Variants in ELAVL1 observed in about 807,000 individuals in gnomAD.
ELAVL1 encodes ELAV like RNA binding protein 1, also known as ELAV-like protein 1.
In ELAVL1, 1 loss-of-function variant was observed where a neutral mutation model predicts 28.4. That is an observed-to-expected ratio of 0.04 (90% CI 0.01 to 0.17). ELAVL1 has a LOEUF of 0.17. Among genes scored for constraint, ELAVL1 ranks in the 10% least tolerant of loss-of-function variants. ELAVL1 has a pLI of 1.00. For synonymous variants in ELAVL1, 174 were observed against 183.5 expected (o/e 0.95, Z 0.42); for missense variants, 157 against 447.2 (o/e 0.35, Z 5.85).
In ELAVL1 at chr19:7,991,225, G is replaced by A. The variant is rs118047385; in HGVS notation, c.172+419C>T. Among the ~76,000 whole-genome samples the A allele has an allele frequency of 9.5e-3, 1,442 of 152,280 alleles. 10 individuals are homozygous for A. The highest frequency in any genetic ancestry group is 0.014 in the Non-Finnish European group (965 of 68,000). On this transcript the variant is annotated intron_variant, in intron 2 of 5. Transcript: ENST00000407627. ...GCTGACCTGGGCCTGACCAAGAGTGGGGGCCTGGACAGACAGGGGCAGGCC... is the reference window on the plus strand; with the variant it reads ...GCTGACCTGGGCCTGACCAAGAGTGAGGGCCTGGACAGACAGGGGCAGGCC...
chr19:7,981,060 C>T lies in ELAVL1; in HGVS notation c.276+23G>A, dbSNP rs74333296. On this transcript the variant is annotated intron_variant, in intron 3 of 5. Transcript: ENST00000407627. This position sits in a 1 kb window ranked among gnomAD's most constrained non-coding sequence, Gnocchi z 4.2. ...CCTGTGCCCAGGGCAGGAATGGATG[C>T]GGTGGTGATCAGATCCCTTTACCTT... 16,628 of 1,609,238 alleles carry T rather than the reference C, an allele frequency of 0.01. 121 individuals carry two copies. Among genetic ancestry groups the T allele is most frequent in the East Asian group, 0.031 (1,391 of 44,824 alleles).
intron 2 of ELAVL1, among the ~76,000 whole-genome samples, chr19:7,986,262 T>G (rs1380286585): frequency 6.6e-6 from 1 of 152,190 alleles, no homozygotes; most frequent in Non-Finnish European, 1.5e-5. Flanking sequence ...AGTTCTCTCT[T>G]TAAAGGCTCA....
chr19:7,996,296 C>T (rs559182123), intron 1 of ELAVL1, among the ~76,000 whole-genome samples: 1 of 152,052 alleles, frequency 6.6e-6, no homozygotes, highest in South Asian at 2.1e-4. Flanking sequence ...ATTCTCCTGC[C>T]TCAGCCTCCC....
Position 7,967,546 on chromosome 19 carries a change from G to C in ELAVL1, c.656+19C>G, listed in dbSNP as rs759812667. The C allele has an allele frequency of 1.2e-6, 2 of 1,611,304 alleles. No homozygotes were observed. The highest frequency in any genetic ancestry group is 1.9e-4 in the Middle Eastern group (1 of 5,252). ...GGGGCTAAGTATGGCTTTCAGGAGC[G>C]CGCACCCTCCCGACCCACCTGAATC... On this transcript the variant is annotated intron_variant, in intron 5 of 5. Coordinates refer to ENST00000407627, the MANE Select transcript of ELAVL1 (RefSeq NM_001419.3).
rs1985391724 is a variant in ELAVL1 at position 7,979,441 on chromosome 19, C to G, written c.276+1642G>C. The stretch of plus-strand genomic sequence containing the variant: ...CTGTTTACACACTGGGCACCCGGCT[C>G]CTGCATCTGAGTAAACGGAACAGCT... On this transcript the variant is annotated intron_variant, in intron 3 of 5. Coordinates refer to ENST00000407627, the MANE Select transcript of ELAVL1 (RefSeq NM_001419.3). The surrounding 1 kb of genome is among the most constrained non-coding windows in gnomAD (Gnocchi z 5.4). Among the ~76,000 whole-genome samples the G allele has an allele frequency of 6.6e-6, 1 of 152,254 alleles. No individual in the cohort carries two copies. Among genetic ancestry groups the G allele is most frequent in the Non-Finnish European group, 1.5e-5 (1 of 68,044 alleles).
At chr19:7,974,280 A>G (rs916648739) in intron 3 of ELAVL1, among the ~76,000 whole-genome samples, 1 of 152,254 alleles carries the variant, frequency 6.6e-6, no homozygotes, top group South Asian at 2.1e-4. Context: ...TACTGGGAAC[A>G]CAGGAGACTC....
At chr19:7,987,414 C>T (rs903377826) in intron 2 of ELAVL1, among the ~76,000 whole-genome samples, 2 of 152,096 alleles carry the variant, frequency 1.3e-5, no homozygotes, top group African/African-American at 4.8e-5. Flanking sequence ...AGGAAGGCAG[C>T]GGGCAGGACC....
At chr19:7,984,357 G>A (rs776556168) in intron 2 of ELAVL1, among the ~76,000 whole-genome samples, 23 of 152,158 alleles carry the variant, frequency 1.5e-4, no homozygotes, top group Non-Finnish European at 2.9e-4. Context: ...AGGGCCCGTC[G>A]CAGAGGAGAT....
intron 3 of ELAVL1, among the ~76,000 whole-genome samples, chr19:7,978,357 G>A (rs34859576): frequency 0.058 from 8,785 of 152,254 alleles, 269 homozygotes; most frequent in Non-Finnish European, 0.07. Flanking sequence ...TGAGCTGGGC[G>A]ATACCGGCCT....
rs1984859921 is a variant in ELAVL1, at chr19:7,963,169, A to G, written c.*314T>C. 3 of 319,356 alleles carry G rather than the reference A, an allele frequency of 9.4e-6. No homozygotes were observed. Among genetic ancestry groups the G allele is most frequent in the Non-Finnish European group, 1.8e-5 (3 of 170,732 alleles). The allele number at this position is 319,356 out of a possible 1,614,324, so 19.8% of individuals were successfully genotyped here. ...AATGAAACGCGTGTTAGACAGTCTT[A>G]GAGGTTAAAGCATGCTTCAGGTTCA... On this transcript the variant is annotated 3_prime_UTR_variant, in exon 6 of 6. Coordinates refer to ENST00000407627, the MANE Select transcript of ELAVL1 (RefSeq NM_001419.3). This position sits in a 1 kb window ranked among gnomAD's most constrained non-coding sequence, Gnocchi z 4.5.
Position 7,979,021 on chromosome 19 carries a change from C to A in ELAVL1, c.276+2062G>T, listed in dbSNP as rs898983822. On this transcript the variant is annotated intron_variant, in intron 3 of 5. Transcript: ENST00000407627. The surrounding 1 kb of genome is among the most constrained non-coding windows in gnomAD (Gnocchi z 5.4). ...CAGTATCAACGTATCTGGCCCAGCA[C>A]CACACTGGCCAGGGGCTCAGTAAAG... 6.6e-6 allele frequency among the ~76,000 whole-genome samples: 1 copy of A among 152,216 alleles called. No individual in the cohort carries two copies. The highest frequency in any genetic ancestry group is 6.5e-5 in the Admixed American group (1 of 15,278).
chr19:7,964,007 C>G (rs1407324529), intron 5 of ELAVL1, among the ~76,000 whole-genome samples, 200 bp from the exon 6 acceptor site: 1 of 152,196 alleles, frequency 6.6e-6, no homozygotes, highest in African/African-American at 2.4e-5. Context: ...GGACCCTGTT[C>G]TGTAGGGAGC....
rs371024460 is a variant in ELAVL1 at position 7,962,136 on chromosome 19, G to A, written c.*1347C>T. 2.6e-5 allele frequency: 4 copies of A among 153,626 alleles called. No homozygotes were observed. The highest frequency in any genetic ancestry group is 2.0e-4 in the Admixed American group (3 of 15,270). The allele number at this position is 153,626 out of a possible 1,614,324, so 9.5% of individuals were successfully genotyped here. On this transcript the variant is annotated 3_prime_UTR_variant, in exon 6 of 6. Coordinates refer to ENST00000407627, the MANE Select transcript of ELAVL1 (RefSeq NM_001419.3). The stretch of plus-strand genomic sequence containing the variant: ...CCAGCCTGTAACTGCACATTCTTGC[G>A]TCACAGATTCAGAAATGCTTTTGCT...
At chr19:7,991,916 G>C in intron 1 of ELAVL1, 85 bp from the exon 2 acceptor site, 2 of 979,578 alleles carry the variant, frequency 2.0e-6, no homozygotes, top group Non-Finnish European at 1.4e-6. Flanking sequence ...TTTGCACTTA[G>C]AGATTTTCTT....
chr19:7,999,802 G>C (rs1188886468), intron 1 of ELAVL1, among the ~76,000 whole-genome samples: 2 of 152,002 alleles, frequency 1.3e-5, no homozygotes, highest in African/African-American at 4.8e-5. Context: ...CAGAGAGGGG[G>C]GTCTTGCTTT....
intron 5 of ELAVL1, among the ~76,000 whole-genome samples, chr19:7,965,124 T>C (rs1984922306): frequency 6.6e-6 from 1 of 152,254 alleles, no homozygotes; most frequent in Admixed American, 6.5e-5. Flanking sequence ...AGGGTCTCAC[T>C]ATGTTGTCCA....
chr19:7,971,139 C>T lies in ELAVL1; in HGVS notation c.430+2586G>A, dbSNP rs1036798014. 1.4e-4 allele frequency among the ~76,000 whole-genome samples: 21 copies of T among 152,192 alleles called. 1 individual carries two copies. Among genetic ancestry groups the T allele is most frequent in the Admixed American group, 1.3e-3 (20 of 15,286 alleles). On this transcript the variant is annotated intron_variant, in intron 4 of 5. Coordinates refer to ENST00000407627, the MANE Select transcript of ELAVL1 (RefSeq NM_001419.3). ...CCCTGGGGGCGCAATACTAAGGTGCCCCCAACACCCTGGGAGACACTATCT... is the reference window on the plus strand; with the variant it reads ...CCCTGGGGGCGCAATACTAAGGTGCTCCCAACACCCTGGGAGACACTATCT...
intron 1 of ELAVL1, among the ~76,000 whole-genome samples, chr19:8,003,209 G>A (rs2081074134): frequency 1.3e-5 from 2 of 150,930 alleles, no homozygotes; most frequent in East Asian, 2.0e-4. Flanking sequence ...TCAACAAGGC[G>A]AAATCCCACC....
intron 2 of ELAVL1, among the ~76,000 whole-genome samples, chr19:7,985,186 C>T (rs561638994): frequency 6.9e-4 from 105 of 152,336 alleles, no homozygotes; most frequent in Non-Finnish European, 1.0e-3. Flanking sequence ...TCCCAAAGTG[C>T]TGGGATTATA....
Sources: allele counts gnomAD v4.1 joint callset (sites outside exome capture counted in the v4.1 genomes callset), GRCh38; gene constraint gnomAD v4.1.1; non-coding constraint Gnocchi (gnomAD v3.1); transcripts MANE v1.5; gene names NCBI Gene and HGNC (gene_info 2026-07-23, HGNC 2026-07-21).